Variants in PCED1B observed in about 807,000 individuals in gnomAD.
PCED1B encodes the protein PC-esterase domain containing 1B, also known as PC-esterase domain-containing protein 1B.
For synonymous variants in PCED1B, 251 were observed against 246.1 expected (o/e 1.02, Z -0.19); for missense variants, 573 against 573.9 (o/e 1.00, Z 0.02).
At chr12:47,178,966 T>C (rs1592244575) in intron 2 of PCED1B, among the ~76,000 whole-genome samples, 1 of 151,898 alleles carries the variant, frequency 6.6e-6, no homozygotes. Flanking sequence ...TGTATAAAAA[T>C]GCATTACTAT....
chr12:47,235,580 A>T lies in PCED1B; in HGVS notation c.517A>T (p.Thr173Ser), dbSNP rs772171223. The T allele has an allele frequency of 8.1e-6, 13 of 1,609,240 alleles. No homozygotes were observed. The highest frequency in any genetic ancestry group is 1.0e-5 in the Non-Finnish European group (12 of 1,177,014). ...NTAMPVGEEV[T>S]GGFLPPKLRR... ...GGCCATGCCTGTGGGCGAGGAAGTCACCGGGGGTTTTCTTCCGCCCAAGCT... is the reference window on the plus strand; with the variant it reads ...GGCCATGCCTGTGGGCGAGGAAGTCTCCGGGGGTTTTCTTCCGCCCAAGCT... The change falls in exon 4 of 4, where the codon ACC becomes TCC. Residue 173 changes from threonine to serine, a missense_variant. Coordinates refer to ENST00000546455, the MANE Select transcript of PCED1B (RefSeq NM_138371.3).
At chr12:47,146,611 C>T (rs1940793928) in intron 2 of PCED1B, among the ~76,000 whole-genome samples, 2 of 152,196 alleles carry the variant, frequency 1.3e-5, no homozygotes, top group Non-Finnish European at 2.9e-5. Flanking sequence ...AAAAAGATTA[C>T]AGCTTGCCAA....
chr12:47,228,203 T>G (rs1233688053), intron 3 of PCED1B, among the ~76,000 whole-genome samples: 1 of 151,960 alleles, frequency 6.6e-6, no homozygotes, highest in Non-Finnish European at 1.5e-5. Context: ...CCCAGCTAAT[T>G]TTTAGTATTT....
intron 2 of PCED1B, among the ~76,000 whole-genome samples, chr12:47,120,092 A>G (rs1204667108): frequency 6.6e-6 from 1 of 152,180 alleles, no homozygotes; most frequent in Non-Finnish European, 1.5e-5. Flanking sequence ...AAGATGCTCA[A>G]CGTTATTAGT....
chr12:47,193,259 TACAAAGTGAG>T (rs1360839418), intron 2 of PCED1B, among the ~76,000 whole-genome samples: 1 of 152,202 alleles, frequency 6.6e-6, no homozygotes, highest in African/African-American at 2.4e-5. Context: ...ACACAGGAAG[TACAAAGTGAG>T]ACCGGATTTT....
intron 1 of PCED1B, among the ~76,000 whole-genome samples, chr12:47,088,319 TC>T (rs1938086807): frequency 6.6e-6 from 1 of 152,076 alleles, no homozygotes; most frequent in Non-Finnish European, 1.5e-5. Context: ...ATTATGTGGC[TC>T]CCCCGAGCCT....
chr12:47,172,743 T>C (rs1414799440), intron 2 of PCED1B, among the ~76,000 whole-genome samples: 1 of 152,190 alleles, frequency 6.6e-6, no homozygotes, highest in Non-Finnish European at 1.5e-5. Context: ...GTGTAAAAGA[T>C]AAGAACTGGC....
At chr12:47,174,407 CAAA>C (rs202246828) in intron 2 of PCED1B, among the ~76,000 whole-genome samples, 20 of 124,198 alleles carry the variant, frequency 1.6e-4, no homozygotes, top group Non-Finnish European at 2.9e-4. Context: ...AGACTCAATC[CAAA>C]AAAAAAAAAC....
chr12:47,189,729 GCAAA>G (rs1416390021), intron 2 of PCED1B, among the ~76,000 whole-genome samples: 3 of 152,170 alleles, frequency 2.0e-5, no homozygotes, highest in Non-Finnish European at 2.9e-5. Flanking sequence ...CTTCATTTCA[GCAAA>G]CAATTAATAA....
At chr12:47,088,255 T>C (rs1229963674) in intron 1 of PCED1B, among the ~76,000 whole-genome samples, 1 of 152,246 alleles carries the variant, frequency 6.6e-6, no homozygotes, top group East Asian at 1.9e-4. Context: ...GCTAGGTTTA[T>C]GTGCAAAATA....
chr12:47,092,434 A>G (rs1284296328), intron 1 of PCED1B, among the ~76,000 whole-genome samples: 3 of 151,998 alleles, frequency 2.0e-5, no homozygotes, highest in Non-Finnish European at 4.4e-5. Flanking sequence ...GATTCTCTAG[A>G]AATTTTGAAT....
chr12:47,100,770 T>G (rs1468661954), intron 1 of PCED1B, among the ~76,000 whole-genome samples: 1 of 152,228 alleles, frequency 6.6e-6, no homozygotes, highest in Non-Finnish European at 1.5e-5. Context: ...AAGAGTTGAC[T>G]AAAAGTTATT....
At chr12:47,231,265 C>A (rs1392406828) in intron 3 of PCED1B, among the ~76,000 whole-genome samples, 2 of 152,048 alleles carry the variant, frequency 1.3e-5, no homozygotes, top group African/African-American at 2.4e-5. Flanking sequence ...AGAGTGAAGA[C>A]CCCAAGAAAT....
At chr12:47,088,709 T>C (rs532733482) in intron 1 of PCED1B, among the ~76,000 whole-genome samples, 31 of 152,362 alleles carry the variant, frequency 2.0e-4, no homozygotes, top group African/African-American at 7.5e-4. Flanking sequence ...AGCTGTTGTA[T>C]AGAAGAGGTC....
chr12:47,227,360 G>T (rs934213083), intron 3 of PCED1B, among the ~76,000 whole-genome samples: 4 of 151,944 alleles, frequency 2.6e-5, no homozygotes, highest in African/African-American at 9.6e-5. Context: ...TTGTAGAGAG[G>T]GGGGCTTTCA....
At chr12:47,111,097 T>C (rs1939175330) in intron 2 of PCED1B, among the ~76,000 whole-genome samples, 1 of 152,224 alleles carries the variant, frequency 6.6e-6, no homozygotes, top group South Asian at 2.1e-4. Flanking sequence ...AGAGTCTATT[T>C]AACATTTGGG....
chr12:47,097,409 C>G (rs763752260), intron 1 of PCED1B, among the ~76,000 whole-genome samples: 1 of 152,134 alleles, frequency 6.6e-6, no homozygotes, highest in Non-Finnish European at 1.5e-5. Flanking sequence ...TTCCTCATGA[C>G]TGGAAGCCCA....
chr12:47,142,840 A>G (rs1940645523), intron 2 of PCED1B, among the ~76,000 whole-genome samples: 1 of 151,606 alleles, frequency 6.6e-6, no homozygotes, highest in South Asian at 2.1e-4. Flanking sequence ...GATACTATCA[A>G]GCAAATGAAT....
intron 3 of PCED1B, among the ~76,000 whole-genome samples, chr12:47,222,632 A>G (rs1263830790): frequency 6.6e-6 from 1 of 152,156 alleles, no homozygotes; most frequent in Non-Finnish European, 1.5e-5. Flanking sequence ...TCATGCTAAT[A>G]ACTTTACATG....
Sources: allele counts gnomAD v4.1 joint callset (sites outside exome capture counted in the v4.1 genomes callset), GRCh38; gene constraint gnomAD v4.1.1; transcripts MANE v1.5; gene names NCBI Gene and HGNC (gene_info 2026-07-23, HGNC 2026-07-21).